The following PACSIN2 variants were observed in gnomAD, a reference collection of about 807,000 sequenced individuals.
PACSIN2 encodes the protein protein kinase C and casein kinase substrate in neurons 2.
Under a neutral mutation model 63.8 loss-of-function variants are expected in PACSIN2, and 25 were observed. That is an observed-to-expected ratio of 0.39 (90% confidence interval 0.29 to 0.55). The LOEUF is 0.55. Among genes scored for constraint, PACSIN2 ranks in the 20% least tolerant of loss-of-function variants. The pLI is 0.62. For synonymous variants in PACSIN2, 255 were observed against 256.2 expected (o/e 1.00, Z 0.05); for missense variants, 518 against 646.9 (o/e 0.80, Z 2.16).
chr22:43,005,966 T>C (rs1202765491), intron 1 of PACSIN2, among the ~76,000 whole-genome samples: 7 of 152,012 alleles, frequency 4.6e-5, no homozygotes, highest in African/African-American at 1.7e-4. Context: ...TTTTTTTTTT[T>C]AGTTTTTGTT....
At chr22:42,883,145 C>T (rs1296036034) in intron 6 of PACSIN2, among the ~76,000 whole-genome samples, 2 of 152,204 alleles carry the variant, frequency 1.3e-5, no homozygotes, top group Admixed American at 6.5e-5. Flanking sequence ...GACAGACAAG[C>T]ATCCACACGA....
chr22:43,011,675 C>T (rs1325729363), intron 1 of PACSIN2, among the ~76,000 whole-genome samples: 1 of 152,128 alleles, frequency 6.6e-6, no homozygotes, highest in Non-Finnish European at 1.5e-5. Flanking sequence ...TCAGGAGTTC[C>T]AGATCAGCCT....
chr22:42,918,163 C>A (rs1195859822), intron 1 of PACSIN2, among the ~76,000 whole-genome samples: 2 of 152,172 alleles, frequency 1.3e-5, no homozygotes, highest in African/African-American at 4.8e-5. Flanking sequence ...CAGCTGCACA[C>A]CAGGGCCACT....
chr22:42,974,274 C>A (rs1921527342), intron 1 of PACSIN2, among the ~76,000 whole-genome samples: 1 of 152,226 alleles, frequency 6.6e-6, no homozygotes, highest in South Asian at 2.1e-4. Flanking sequence ...GAACCGTCTA[C>A]CCAAGGCCCT....
chr22:42,944,936 A>T (rs1415892783), intron 1 of PACSIN2, among the ~76,000 whole-genome samples: 1 of 152,096 alleles, frequency 6.6e-6, no homozygotes, highest in Non-Finnish European at 1.5e-5. Flanking sequence ...TATGTCTACT[A>T]AAAATACAAA....
intron 1 of PACSIN2, among the ~76,000 whole-genome samples, chr22:43,004,728 T>C (rs906224955): frequency 2.0e-5 from 3 of 152,254 alleles, no homozygotes; most frequent in Non-Finnish European, 2.9e-5. Context: ...TTTCATTCAA[T>C]AGGAAACTTC....
intron 7 of PACSIN2, chr22:42,880,755 C>G (rs761825863): frequency 6.6e-6 from 1 of 152,174 alleles, no homozygotes; most frequent in Non-Finnish European, 1.5e-5. Context: ...GAAGGACCCC[C>G]TAGGCTCTGG....
At chr22:42,874,316 T>C (rs944598625) in intron 10 of PACSIN2, among the ~76,000 whole-genome samples, 18 of 105,876 alleles carry the variant, frequency 1.7e-4, no homozygotes, top group Non-Finnish European at 2.5e-4. Flanking sequence ...TGAGACCGTG[T>C]CTCTATTAAA....
intron 1 of PACSIN2, among the ~76,000 whole-genome samples, chr22:42,928,909 T>C (rs1932700008): frequency 6.6e-6 from 1 of 152,262 alleles, no homozygotes; most frequent in Non-Finnish European, 1.5e-5. Flanking sequence ...GCAAGTCCCT[T>C]ATCTTCTCAG....
intron 1 of PACSIN2, among the ~76,000 whole-genome samples, chr22:42,955,142 C>G (rs1284530467): frequency 6.6e-6 from 1 of 152,100 alleles, no homozygotes; most frequent in Non-Finnish European, 1.5e-5. Context: ...CACCCTGCTG[C>G]TTAGAAGTCT....
At chr22:42,993,862 C>A (rs2146907455) in intron 1 of PACSIN2, 1 of 151,702 alleles carries the variant, frequency 6.6e-6, no homozygotes, top group East Asian at 1.9e-4. Context: ...GTCAAGAAAT[C>A]ACAAGAAGAA....
intron 1 of PACSIN2, among the ~76,000 whole-genome samples, chr22:42,983,313 T>C (rs1389377275): frequency 6.9e-5 from 8 of 116,056 alleles, no homozygotes; most frequent in African/African-American, 2.6e-4. Flanking sequence ...CGAGACTCCA[T>C]CTCAAAAAAA....
At position 42,984,271 on chromosome 22, in the gene PACSIN2, C is replaced by T. The variant is rs546654077; in HGVS notation, c.-78+30750G>A. On this transcript the variant is annotated intron_variant, in intron 1 of 10. Transcript: ENST00000263246. ...ACAGGTGTGAGCTACCACCCACTAC[C>T]TAGCACTTAGCACTTTTTAAATAAA... is the stretch of plus-strand genomic sequence containing the variant. 9.9e-5 allele frequency among the ~76,000 whole-genome samples: 15 copies of T among 151,408 alleles called. No homozygotes were observed. In the East Asian group the frequency reaches 2.9e-3, roughly 29 times the overall value.
At chr22:43,005,105 C>A (rs1924010043) in intron 1 of PACSIN2, among the ~76,000 whole-genome samples, 1 of 152,178 alleles carries the variant, frequency 6.6e-6, no homozygotes, top group Non-Finnish European at 1.5e-5. Flanking sequence ...CAAGGAGAAA[C>A]TTCCTATAAT....
At chr22:42,936,356 T>C (rs1437359290) in intron 1 of PACSIN2, among the ~76,000 whole-genome samples, 1 of 152,180 alleles carries the variant, frequency 6.6e-6, no homozygotes, top group African/African-American at 2.4e-5. Context: ...GTTGGTTCCC[T>C]TCCCTGGCTC....
At chr22:42,877,092 C>A (rs1398458711) in intron 8 of PACSIN2, 82 bp from the exon 9 acceptor site, 1 of 1,495,412 alleles carries the variant, frequency 6.7e-7, no homozygotes, top group Non-Finnish European at 9.3e-7. Context: ...TGCAGGATCT[C>A]AAGAGACAAA....
chr22:43,012,154 A>C lies in PACSIN2; in HGVS notation c.-78+2867T>G, dbSNP rs200927202. 1.8e-3 allele frequency among the ~76,000 whole-genome samples: 237 copies of C among 133,998 alleles called. 2 individuals carry two copies. The highest frequency in any genetic ancestry group is 0.017 in the South Asian group (68 of 4,096). 87.9% of individuals were successfully genotyped at this position (133,998 alleles called of 152,430 possible). A position where few individuals can be genotyped will look rare whatever the true frequency, so the allele number is the denominator to read the frequency against. On this transcript the variant is annotated intron_variant, in intron 1 of 10. Transcript: ENST00000263246. ...GCGAGACTCTGTCTCAAAATAAATAAATACATACATACATACATACATACA... is the reference window on the plus strand; with the variant it reads ...GCGAGACTCTGTCTCAAAATAAATACATACATACATACATACATACATACA...
chr22:42,926,553 C>CA (rs1271821508), intron 1 of PACSIN2, among the ~76,000 whole-genome samples: 1 of 151,774 alleles, frequency 6.6e-6, no homozygotes, highest in Non-Finnish European at 1.5e-5. Flanking sequence ...AGAATCACTT[C>CA]AAAGAAACAC....
At chr22:42,888,904 AAGGC>A (rs1369459618) in intron 4 of PACSIN2, 106 bp from the exon 5 acceptor site, 28 of 1,145,716 alleles carry the variant, frequency 2.4e-5, no homozygotes, top group Non-Finnish European at 3.6e-5. Flanking sequence ...AGGGGAGAAA[AAGGC>A]AGGTACAAAA....
Sources: gnomAD v4.1 joint callset for allele counts (sites outside exome capture counted in the v4.1 genomes callset) on GRCh38, gnomAD v4.1.1 for gene constraint, MANE v1.5 for transcripts, NCBI Gene and HGNC (gene_info 2026-07-23, HGNC 2026-07-21) for gene names.